Variants in NCOR1 observed in about 807,000 individuals in gnomAD.
The protein encoded by NCOR1 is protein phosphatase 1, regulatory subunit 109.
NCOR1 carries 63 observed loss-of-function variants against 288.1 expected under a neutral mutation model. The ratio of observed to expected loss-of-function variants is 0.22; its 90% CI spans 0.18 to 0.27. The LOEUF is 0.27. NCOR1 is among the 10% of genes least tolerant of loss of function. The pLI, the probability that NCOR1 is intolerant of heterozygous loss-of-function variation, is 1.00. For synonymous variants in NCOR1, 1,007 were observed against 1,065.9 expected (o/e 0.94, Z 1.08); for missense variants, 2,397 against 3,019.2 (o/e 0.79, Z 4.83).
At chr17:16,070,103 GTTT>G (rs368198526) in intron 31 of NCOR1, 59 bp downstream of exon 31, 204 of 1,330,374 alleles carry the variant, frequency 1.5e-4, no homozygotes, top group South Asian at 2.8e-4. Context: ...CTTGACAAAG[GTTT>G]TTTTTTTTTT....
In NCOR1 at chr17:16,155,393, C is replaced by CACACACACA. The variant is rs200326632; in HGVS notation, c.733-1999_733-1998insTGTGTGTGT. 1.2e-3 allele frequency among the ~76,000 whole-genome samples: 174 copies of CACACACACA among 149,040 alleles called. 3 individuals are homozygous for CACACACACA. The highest frequency in any genetic ancestry group is 4.0e-3 in the African/African-American group (160 of 40,124). Reference sequence around the variant, plus strand: ...AATACACACACACACACACACACACCCACAAAGATATTCTGCAAATTTCTC... The same window carrying CACACACACA: ...AATACACACACACACACACACACACCACACACACACACAAAGATATTCTGCAAATTTCTC... On this transcript the variant is annotated intron_variant, in intron 6 of 45. Coordinates refer to ENST00000268712, the MANE Select transcript of NCOR1 (RefSeq NM_006311.4).
At position 16,186,521 on chromosome 17, in the gene NCOR1, T is replaced by C; in HGVS notation, c.242+33A>G. On this transcript the variant is annotated intron_variant, in intron 3 of 45. Transcript: ENST00000268712. ...AAACTTGTATACTTCACAATTATAATCCTAGATAGAAACATAAAAGAAACC... is the reference window on the plus strand; with the variant it reads ...AAACTTGTATACTTCACAATTATAACCCTAGATAGAAACATAAAAGAAACC... 3.8e-6 allele frequency: 6 copies of C among 1,597,978 alleles called. No individual in the cohort carries two copies. In the South Asian group the frequency reaches 6.8e-5, roughly 18 times the overall value.
intron 40 of NCOR1, among the ~76,000 whole-genome samples, chr17:16,051,937 A>C (rs1314194179): frequency 6.6e-6 from 1 of 152,120 alleles, no homozygotes. Context: ...AAATAAAATA[A>C]ACAAAACGGA....
chr17:16,171,047 TTA>T (rs1304864785), intron 4 of NCOR1, among the ~76,000 whole-genome samples: 1 of 152,076 alleles, frequency 6.6e-6, no homozygotes, highest in African/African-American at 2.4e-5. Flanking sequence ...ATAATATGTA[TTA>T]TATATTTAAA....
intron 45 of NCOR1, among the ~76,000 whole-genome samples, chr17:16,032,785 C>T (rs1972430130): frequency 6.6e-6 from 1 of 152,174 alleles, no homozygotes; most frequent in Non-Finnish European, 1.5e-5. Context: ...CAGATGTTTC[C>T]ATGGAGAATC....
chr17:16,183,335 T>C (rs2079402560), intron 3 of NCOR1, among the ~76,000 whole-genome samples: 1 of 150,044 alleles, frequency 6.7e-6, no homozygotes, highest in African/African-American at 2.4e-5. Context: ...CAATCCTATG[T>C]ATAAAAGTTC....
chr17:16,186,499 C>T, intron 3 of NCOR1, 55 bp downstream of exon 3: 2 of 1,552,804 alleles, frequency 1.3e-6, no homozygotes, highest in African/African-American at 1.4e-5. Flanking sequence ...TAATGACAAA[C>T]TTGTATACTT....
At chr17:16,118,056 A>G in intron 17 of NCOR1, 29 bp from the exon 18 acceptor site, 11 of 1,601,310 alleles carry the variant, frequency 6.9e-6, no homozygotes, top group Non-Finnish European at 9.4e-6. Flanking sequence ...CCAAATGTTA[A>G]TTGAACAGTC....
intron 14 of NCOR1, among the ~76,000 whole-genome samples, chr17:16,129,816 T>C (rs2075322715): frequency 6.6e-6 from 1 of 152,216 alleles, no homozygotes; most frequent in African/African-American, 2.4e-5. Flanking sequence ...AGAAATTCAG[T>C]ATCCCCTTAG....
chr17:16,039,994 T>TAAATTCGA, intron 43 of NCOR1: 1 of 386,142 alleles, frequency 2.6e-6, no homozygotes, highest in Non-Finnish European at 4.9e-6. Flanking sequence ...TTCACCATAT[T>TAAATTCGA]GGTCAGGCTG....
chr17:16,180,356 A>G (rs2085148160), intron 3 of NCOR1, among the ~76,000 whole-genome samples: 1 of 152,162 alleles, frequency 6.6e-6, no homozygotes, highest in Admixed American at 6.5e-5. Flanking sequence ...CATTATAGAA[A>G]ACAGTATGGA....
intron 5 of NCOR1, among the ~76,000 whole-genome samples, chr17:16,160,651 G>A (rs941542485): frequency 6.6e-6 from 1 of 152,172 alleles, no homozygotes; most frequent in African/African-American, 2.4e-5. Context: ...AATTAGCTCG[G>A]TGTAGTGGCG....
chr17:16,046,667 G>A (rs1237540953), intron 42 of NCOR1, among the ~76,000 whole-genome samples: 1 of 152,166 alleles, frequency 6.6e-6, no homozygotes, highest in Non-Finnish European at 1.5e-5. Context: ...AGAAAGAAAA[G>A]TAAACTATGG....
intron 29 of NCOR1, 152 bp downstream of exon 29, chr17:16,071,993 T>C (rs771654578): frequency 1.6e-6 from 1 of 614,462 alleles, no homozygotes; most frequent in Middle Eastern, 3.0e-4. Context: ...CAATAAATTA[T>C]GTAGCTCAGA....
intron 14 of NCOR1, among the ~76,000 whole-genome samples, chr17:16,134,062 A>G (rs891683960): frequency 6.6e-6 from 1 of 152,140 alleles, no homozygotes; most frequent in Non-Finnish European, 1.5e-5. Context: ...TCATGTCACA[A>G]CTGAAATCTG....
chr17:16,068,080 A>T lies in NCOR1; in HGVS notation c.4555T>A (p.Ser1519Thr), dbSNP rs2152700173. The T allele has an allele frequency of 6.2e-7, 1 of 1,613,898 alleles. No homozygotes were observed. Among genetic ancestry groups the T allele is most frequent in the Non-Finnish European group, 8.5e-7 (1 of 1,179,896 alleles). Residue 1519 changes from serine (S) to threonine (T), a missense_variant, in exon 32 of 46, where the codon TCG (serine) becomes ACG (threonine). By Grantham distance (58) the Ser-to-Thr change is moderately conservative. This residue lies in a region of NCOR1 where 1,872 missense variants were observed against 2,187.8 expected (regional missense o/e 0.86). Transcript: ENST00000268712. ...SNKSTNHERK[S>T]TLTPTQRESI... ...TCCCTCTGGGTAGGGGTCAGTGTCG[A>T]TTTCCTTTCATGATTGGTAGACTTG... is the stretch of plus-strand genomic sequence containing the variant.
At chr17:16,213,957 A>G (rs2092357316) in intron 1 of NCOR1, among the ~76,000 whole-genome samples, 1 of 152,252 alleles carries the variant, frequency 6.6e-6, no homozygotes, top group African/African-American at 2.4e-5. Flanking sequence ...ATATCCATAT[A>G]TACAATTAAT....
intron 1 of NCOR1, among the ~76,000 whole-genome samples, chr17:16,210,977 C>T (rs2092073022): frequency 6.6e-6 from 1 of 152,060 alleles, no homozygotes; most frequent in Non-Finnish European, 1.5e-5. Flanking sequence ...ATGATCCGCC[C>T]ACCTCGGCCT....
At chr17:16,208,129 C>T (rs2091755273) in intron 1 of NCOR1, among the ~76,000 whole-genome samples, 1 of 148,434 alleles carries the variant, frequency 6.7e-6, no homozygotes, top group Non-Finnish European at 1.5e-5. Context: ...CAACCTCTGC[C>T]TCCCAGGTTC....
Sources: allele counts gnomAD v4.1 joint callset (sites outside exome capture counted in the v4.1 genomes callset), GRCh38; gene constraint gnomAD v4.1.1; regional missense constraint gnomAD v4.1.1; transcripts MANE v1.5; gene names NCBI Gene and HGNC (gene_info 2026-07-23, HGNC 2026-07-21).